CLSTN2: variants seen among roughly 807,000 people sequenced by gnomAD.
CLSTN2 encodes calsyntenin 2.
Under a neutral mutation model 101.2 loss-of-function variants are expected in CLSTN2, and 48 were observed. The observed-to-expected ratio is 0.47, with a 90% confidence interval of 0.38 to 0.60. The LOEUF (loss-of-function observed/expected upper bound fraction) is 0.60. Among genes scored for constraint, CLSTN2 ranks in the 20% least tolerant of loss-of-function variants. The pLI, the probability that CLSTN2 is intolerant of heterozygous loss-of-function variation, is 0.00. For missense variants in CLSTN2, 1,160 were observed against 1,238.2 expected (o/e 0.94, Z 0.95); for synonymous variants, 481 against 463.6 (o/e 1.04, Z -0.48).
At chr3:140,166,768 G>A (rs1459746455) in intron 1 of CLSTN2, among the ~76,000 whole-genome samples, 2 of 152,156 alleles carry the variant, frequency 1.3e-5, no homozygotes, top group African/African-American at 4.8e-5. Context: ...AAAGACACGG[G>A]CATTTTCCAA....
intron 2 of CLSTN2, among the ~76,000 whole-genome samples, chr3:140,205,481 G>C (rs1027391054): frequency 6.6e-6 from 1 of 152,144 alleles, no homozygotes. Flanking sequence ...ACAATTTCCA[G>C]GTGCTACATG....
chr3:140,070,719 T>C (rs1490459163), intron 1 of CLSTN2, among the ~76,000 whole-genome samples: 2 of 152,184 alleles, frequency 1.3e-5, no homozygotes, highest in Non-Finnish European at 2.9e-5. Context: ...GTTTCCAAAA[T>C]GATACTATGG....
intron 1 of CLSTN2, among the ~76,000 whole-genome samples, chr3:139,961,957 A>T (rs1484194894): frequency 6.6e-6 from 1 of 152,106 alleles, no homozygotes; most frequent in East Asian, 1.9e-4. Context: ...TTTCCAGGTT[A>T]TTAAAAACTC....
At chr3:140,010,178 A>C (rs1367254641) in intron 1 of CLSTN2, among the ~76,000 whole-genome samples, 1 of 152,222 alleles carries the variant, frequency 6.6e-6, no homozygotes, top group Non-Finnish European at 1.5e-5. Flanking sequence ...GAATAAAAGT[A>C]ACTGTTTGCG....
chr3:140,054,517 T>C (rs913760283), intron 1 of CLSTN2, among the ~76,000 whole-genome samples: 1 of 152,202 alleles, frequency 6.6e-6, no homozygotes, highest in Non-Finnish European at 1.5e-5. Flanking sequence ...CTTGTAAACC[T>C]AGATCTATCT....
intron 2 of CLSTN2, among the ~76,000 whole-genome samples, chr3:140,250,697 C>T (rs988139529): frequency 1.7e-4 from 26 of 152,242 alleles, no homozygotes; most frequent in Non-Finnish European, 3.2e-4. Flanking sequence ...GAGCCTTCGC[C>T]AGGGATAATT....
intron 2 of CLSTN2, among the ~76,000 whole-genome samples, chr3:140,368,860 C>T (rs2087821359): frequency 2.0e-5 from 3 of 152,196 alleles, no homozygotes; most frequent in African/African-American, 7.2e-5. Flanking sequence ...TTTATGTGAA[C>T]ATTTTAGAAA....
chr3:140,133,619 G>T (rs967466583), intron 1 of CLSTN2, among the ~76,000 whole-genome samples: 1 of 152,190 alleles, frequency 6.6e-6, no homozygotes, highest in African/African-American at 2.4e-5. Context: ...TAATTGCAGA[G>T]GTGGGGGGGC....
At chr3:140,161,303 G>C (rs1243723121) in intron 1 of CLSTN2, among the ~76,000 whole-genome samples, 1 of 152,104 alleles carries the variant, frequency 6.6e-6, no homozygotes, top group East Asian at 1.9e-4. Flanking sequence ...TCCTCACAAT[G>C]CTTTTAACCT....
At chr3:140,171,789 A>AT (rs1215591796) in intron 1 of CLSTN2, among the ~76,000 whole-genome samples, 2 of 72,414 alleles carry the variant, frequency 2.8e-5, no homozygotes, top group Non-Finnish European at 2.4e-5. Context: ...TATATAATAT[A>AT]TAATATATAA....
chr3:140,300,192 T>G (rs1049561450), intron 2 of CLSTN2, among the ~76,000 whole-genome samples: 20 of 152,190 alleles, frequency 1.3e-4, no homozygotes, highest in African/African-American at 4.8e-4. Flanking sequence ...ACTCAAGGGA[T>G]TTTATGCATA....
chr3:140,535,407 G>GTATC lies in CLSTN2; in HGVS notation c.1507+2923_1507+2926dup, dbSNP rs1274145178. On this transcript the variant is annotated intron_variant, in intron 9 of 16. Coordinates refer to ENST00000458420, the MANE Select transcript of CLSTN2 (RefSeq NM_022131.3). ...CTCCATAAATAGCTGCTCTACTATT[G>GTATC]TATCTCATTACAATTTATTTAAAAG... Among the ~76,000 whole-genome samples the GTATC allele has an allele frequency of 3.3e-5, 5 of 152,296 alleles. No individual in the cohort carries two copies. In the East Asian group the frequency reaches 9.6e-4, roughly 29 times the overall value.
intron 1 of CLSTN2, among the ~76,000 whole-genome samples, chr3:140,041,734 G>A (rs147068643): frequency 9.8e-4 from 149 of 152,284 alleles, no homozygotes; most frequent in African/African-American, 3.4e-3. Flanking sequence ...AGGCATATCT[G>A]TGTCATTGTG....
chr3:140,346,594 C>T (rs2087548394), intron 2 of CLSTN2, among the ~76,000 whole-genome samples: 1 of 152,300 alleles, frequency 6.6e-6, no homozygotes, highest in Non-Finnish European at 1.5e-5. Flanking sequence ...AGTTTAGGAA[C>T]AAGAGTCAAA....
At chr3:140,259,431 G>A (rs995994608) in intron 2 of CLSTN2, among the ~76,000 whole-genome samples, 14 of 151,972 alleles carry the variant, frequency 9.2e-5, no homozygotes, top group Admixed American at 3.3e-4. Context: ...CTGAGATTGC[G>A]CCATTGCACT....
intron 2 of CLSTN2, among the ~76,000 whole-genome samples, chr3:140,219,315 C>G (rs760580421): frequency 1.2e-4 from 19 of 152,048 alleles, no homozygotes; most frequent in Non-Finnish European, 1.3e-4. Flanking sequence ...TCTGACCTGC[C>G]TTCCCTGAGA....
intron 2 of CLSTN2, among the ~76,000 whole-genome samples, chr3:140,316,766 G>A (rs2087235468): frequency 6.6e-6 from 1 of 152,112 alleles, no homozygotes; most frequent in South Asian, 2.1e-4. Flanking sequence ...TGCCTTGGAG[G>A]CAAGTGATAT....
rs535424209 is a variant in CLSTN2 at position 140,282,130 on chromosome 3, T to A, written c.232+106057T>A. On this transcript the variant is annotated intron_variant, in intron 2 of 16. Transcript: ENST00000458420. ...CATGATGCTCTGCTTACTTACACTA[T>A]GTCTCTGCTTACACTGCTTACATGA... Among the ~76,000 whole-genome samples the A allele has an allele frequency of 1.5e-4, 23 of 152,302 alleles. 1 individual carries two copies. The East Asian group carries it at 2.9e-3, about 19-fold the overall frequency.
chr3:140,171,959 C>A (rs1362304888), intron 1 of CLSTN2, among the ~76,000 whole-genome samples: 2 of 140,524 alleles, frequency 1.4e-5, no homozygotes, highest in African/African-American at 2.7e-5. Context: ...GTATGAATTT[C>A]TGGTTTTCCT....
Sources: allele counts gnomAD v4.1 joint callset (sites outside exome capture counted in the v4.1 genomes callset), GRCh38; gene constraint gnomAD v4.1.1; transcripts MANE v1.5; gene names NCBI Gene and HGNC (gene_info 2026-07-23, HGNC 2026-07-21).